The following SDE2 variants were observed in gnomAD, a reference collection of about 807,000 sequenced individuals.
The protein encoded by SDE2 is spliceosome associated SDE2.
A neutral mutation model predicts 46.9 loss-of-function variants in SDE2; 31 were observed. The ratio of observed to expected loss-of-function variants is 0.66; its 90% CI spans 0.50 to 0.89. SDE2 has a LOEUF of 0.89. Among genes scored for constraint, SDE2 ranks in the 40% least tolerant of loss-of-function variants. SDE2 has a pLI of 0.00. For synonymous variants in SDE2, 205 were observed against 204.3 expected (o/e 1.00, Z -0.03); for missense variants, 542 against 564.4 (o/e 0.96, Z 0.40).
At chr1:225,993,521 A>T (rs1656451027) in intron 2 of SDE2, among the ~76,000 whole-genome samples, 1 of 151,984 alleles carries the variant, frequency 6.6e-6, no homozygotes. Context: ...CTGAGGCAGG[A>T]GAATGGCGTG....
rs765519596 is a variant in SDE2 at position 225,988,288 on chromosome 1, C to T, written c.742G>A (p.Ala248Thr). Residue 248 changes from alanine to threonine, a missense_variant, in exon 6 of 7, where the codon GCT (alanine) becomes ACT (threonine). Physicochemically the swap from Ala to Thr is moderately conservative, Grantham distance 58 (BLOSUM62 0). Transcript: ENST00000272091. ...APSTSGMGFH[A>T]PKIGSNGVEM... ...ACACCATTGCTACCAATTTTTGGAGCATGGAAACCCATTCCTGAAGTGCTT... is the reference window on the plus strand; with the variant it reads ...ACACCATTGCTACCAATTTTTGGAGTATGGAAACCCATTCCTGAAGTGCTT... 4 of 1,614,188 alleles carry T rather than the reference C, an allele frequency of 2.5e-6. No individual in the cohort carries two copies. The highest frequency in any genetic ancestry group is 3.4e-6 in the Non-Finnish European group (4 of 1,180,034).
intron 6 of SDE2, among the ~76,000 whole-genome samples, chr1:225,987,004 A>C (rs573708087): frequency 6.6e-6 from 1 of 152,222 alleles, no homozygotes; most frequent in Admixed American, 6.5e-5. Context: ...GTAGATAGTG[A>C]AAAACCAACT....
At chr1:225,998,952 T>C (rs1008913378) in intron 1 of SDE2, among the ~76,000 whole-genome samples, 1 of 151,940 alleles carries the variant, frequency 6.6e-6, no homozygotes, top group Non-Finnish European at 1.5e-5. Context: ...TGAGCGGGAC[T>C]AAGTGCCTGT....
intron 2 of SDE2, among the ~76,000 whole-genome samples, chr1:225,994,692 A>C (rs1656480907): frequency 6.6e-6 from 1 of 152,226 alleles, no homozygotes; most frequent in African/African-American, 2.4e-5. Flanking sequence ...TTTAGAAAAA[A>C]AACTCTTTAT....
Position 225,992,572 on chromosome 1 carries a change from G to C in SDE2, c.351-5C>G. ...TGTTTTACCCATTCAGCCATTCTGG[G>C]GATGAGGGAGGAAGAGATATAACTG... is the stretch of plus-strand genomic sequence containing the variant. On this transcript the variant is annotated splice_region_variant and splice_polypyrimidine_tract_variant and intron_variant, in intron 3 of 6. Coordinates refer to ENST00000272091, the MANE Select transcript of SDE2 (RefSeq NM_152608.4). 1.9e-6 allele frequency: 3 copies of C among 1,588,000 alleles called. No individual in the cohort carries two copies. Among genetic ancestry groups the C allele is most frequent in the Non-Finnish European group, 2.6e-6 (3 of 1,163,270 alleles).
rs1262829401 is a variant in SDE2 at position 225,995,257 on chromosome 1, A to T, written c.238+9T>A. ...TGTTACAACTAAGTAGTCAATGTTC[A>T]GGTCCTACCTCCTTTTCCACCGCAA... On this transcript the variant is annotated intron_variant, in intron 2 of 6. Coordinates refer to ENST00000272091, the MANE Select transcript of SDE2 (RefSeq NM_152608.4). 7.3e-7 allele frequency: 1 copy of T among 1,376,630 alleles called. No individual in the cohort carries two copies. Among genetic ancestry groups the T allele is most frequent in the Non-Finnish European group, 1.0e-6 (1 of 967,452 alleles). The allele number at this position is 1,376,630 out of a possible 1,614,324, so 85.3% of individuals were successfully genotyped here. A position where few individuals can be genotyped will look rare whatever the true frequency, so the allele number is the denominator to read the frequency against.
rs1325411374 is a variant in SDE2 at position 225,988,182 on chromosome 1, TG to T, written c.847del (p.Gln283ArgfsTer4). 1 of 1,614,132 alleles carries T rather than the reference TG, an allele frequency of 6.2e-7. No homozygotes were observed. The highest frequency in any genetic ancestry group is 8.5e-7 in the Non-Finnish European group (1 of 1,179,942). On this transcript the variant is annotated frameshift_variant, in exon 6 of 7. Transcript: ENST00000272091. LOFTEE classifies it high-confidence loss of function. ...CCTCCCAGAGTCAGTCACCGGGATCTGCAGTTGTTCTGGTGATCCATGGTCT... is the reference window on the plus strand; with the variant it reads ...CCTCCCAGAGTCAGTCACCGGGATCTCAGTTGTTCTGGTGATCCATGGTCT... The part of the protein sequence containing the change: ...NTDHGSPEQL[Q>X]IPVTDSGRHI...
intron 3 of SDE2, 151 bp from the exon 4 acceptor site, chr1:225,992,718 G>T (rs750028742): frequency 3.1e-5 from 21 of 672,330 alleles, no homozygotes; most frequent in Middle Eastern, 3.4e-4. Flanking sequence ...ATATGGTACT[G>T]AACTTAATCC....
intron 5 of SDE2, among the ~76,000 whole-genome samples, chr1:225,989,724 G>A (rs1241682204): frequency 2.0e-5 from 3 of 151,626 alleles, no homozygotes; most frequent in Non-Finnish European, 4.4e-5. Flanking sequence ...CAATTATTCT[G>A]TTTTACAGAG....
intron 2 of SDE2, among the ~76,000 whole-genome samples, chr1:225,993,717 G>A (rs1331957690): frequency 1.3e-5 from 2 of 152,064 alleles, no homozygotes; most frequent in Admixed American, 1.3e-4. Flanking sequence ...TAGAAGGAAA[G>A]GCAATTTTAA....
intron 2 of SDE2, among the ~76,000 whole-genome samples, chr1:225,993,933 C>CTTTTTT (rs1558085266): frequency 1.9e-5 from 1 of 53,374 alleles, no homozygotes; most frequent in Non-Finnish European, 5.5e-5. Flanking sequence ...ATGCAGCTAG[C>CTTTTTT]TATTTTTTTT....
chr1:225,985,578 A>C, intron 6 of SDE2, 55 bp from the exon 7 acceptor site: 2 of 1,091,846 alleles, frequency 1.8e-6, no homozygotes, highest in Non-Finnish European at 2.8e-6. Context: ...CTGAATAAAG[A>C]CTCTTTAACT....
intron 5 of SDE2, among the ~76,000 whole-genome samples, chr1:225,989,547 T>A (rs1363629115): frequency 6.6e-6 from 1 of 150,852 alleles, no homozygotes; most frequent in Non-Finnish European, 1.5e-5. Context: ...GAGAATTGCT[T>A]GAATCTGGGA....
intron 3 of SDE2, 98 bp downstream of exon 3, chr1:225,992,793 A>C (rs938479997): frequency 2.8e-6 from 2 of 719,468 alleles, no homozygotes; most frequent in East Asian, 2.7e-5. Context: ...TAAATATTTT[A>C]AGTTTCCATT....
chr1:225,993,050 G>C (rs762432470), intron 2 of SDE2, 48 bp from the exon 3 acceptor site: 1 of 899,386 alleles, frequency 1.1e-6, no homozygotes, highest in South Asian at 1.5e-5. Flanking sequence ...GTTCAAGGAT[G>C]GATAAAAGCA....
In SDE2 at chr1:225,984,069, A is replaced by G. The variant is rs182914314; in HGVS notation, c.*1233T>C. On this transcript the variant is annotated 3_prime_UTR_variant, in exon 7 of 7. Coordinates refer to ENST00000272091, the MANE Select transcript of SDE2 (RefSeq NM_152608.4). ...CGAGACCAGCCTGGCCAATGTGGTGAAACCCCATCTCTACTAAAAATACAA... is the reference window on the plus strand; with the variant it reads ...CGAGACCAGCCTGGCCAATGTGGTGGAACCCCATCTCTACTAAAAATACAA... 1.5e-4 allele frequency: 23 copies of G among 152,218 alleles called. No homozygotes were observed. Among genetic ancestry groups the G allele is most frequent in the Admixed American group, 1.4e-3 (21 of 15,286 alleles). 9.4% of individuals were successfully genotyped at this position (152,218 alleles called of 1,614,324 possible). A position where few individuals can be genotyped will look rare whatever the true frequency, so the allele number is the denominator to read the frequency against.
At chr1:225,998,417 G>A (rs1402643635) in intron 1 of SDE2, among the ~76,000 whole-genome samples, 1 of 152,180 alleles carries the variant, frequency 6.6e-6, no homozygotes, top group African/African-American at 2.4e-5. Flanking sequence ...AGGAAAGCAC[G>A]GATGAGGTGC....
At chr1:225,995,226 C>A (rs201620743) in intron 2 of SDE2, 40 bp downstream of exon 2, 46 of 975,240 alleles carry the variant, frequency 4.7e-5, no homozygotes, top group Non-Finnish European at 7.0e-5. Context: ...ATAAAGACTG[C>A]AAATGTGTTA....
At position 225,988,389 on chromosome 1, in the gene SDE2, C is replaced by A; in HGVS notation, c.642-1G>T. ...AGTCTCTAGTCCCTCCATGCCCAAC[C>A]TGTCAGAAGCAACAGAAAGGTTTAA... On this transcript the variant is annotated splice_acceptor_variant, in intron 5 of 6. Transcript: ENST00000272091. LOFTEE classifies it high-confidence loss of function. 1 of 1,613,350 alleles carries A rather than the reference C, an allele frequency of 6.2e-7. No homozygotes were observed. Among genetic ancestry groups the A allele is most frequent in the East Asian group, 2.2e-5 (1 of 44,870 alleles).
Sources: allele counts gnomAD v4.1 joint callset (sites outside exome capture counted in the v4.1 genomes callset), GRCh38; gene constraint gnomAD v4.1.1; transcripts MANE v1.5; gene names NCBI Gene and HGNC (gene_info 2026-07-23, HGNC 2026-07-21).